The following SUN1 variants were observed in gnomAD, a reference collection of about 807,000 sequenced individuals.
The protein encoded by SUN1 is Sad1 and UNC84 domain containing 1, also known as SUN domain-containing protein 1.
In SUN1, 61 loss-of-function variants were observed where a neutral mutation model predicts 103.2. That is an observed-to-expected ratio of 0.59 (90% CI 0.48 to 0.73). The LOEUF is 0.73. SUN1 is among the 30% of genes least tolerant of loss of function. The pLI, the probability that SUN1 is intolerant of heterozygous loss-of-function variation, is 0.00. For synonymous variants in SUN1, 490 were observed against 425.7 expected (o/e 1.15, Z -1.86); for missense variants, 1,052 against 1,034.6 (o/e 1.02, Z -0.23).
rs1343011555 is a variant in SUN1, at chr7:869,749, G to A, written c.2148+233G>A. ...GTACTACACTGACCAAGGTAGACAC[G>A]CCTAAGAATTTTGCTCCTCACCGCC... is the stretch of plus-strand genomic sequence containing the variant. On this transcript the variant is annotated intron_variant, in intron 17 of 18. Coordinates refer to ENST00000401592, the MANE Select transcript of SUN1 (RefSeq NM_001130965.3). Among the ~76,000 whole-genome samples the A allele has an allele frequency of 6.6e-5, 10 of 152,108 alleles. 1 individual carries two copies. The highest frequency in any genetic ancestry group is 1.0e-4 in the Non-Finnish European group (7 of 68,038).
At position 851,969 on chromosome 7, in the gene SUN1, G is replaced by A. The variant is rs762113909; in HGVS notation, c.777G>A (p.Val259=). 6.2e-6 allele frequency: 10 copies of A among 1,614,098 alleles called. No individual in the cohort carries two copies. In the South Asian group the frequency reaches 6.6e-5, roughly 11 times the overall value. ...TTGTAGGGAAGGCAGCCTCTGGAGTGTTCTGGTGGCTGGGGATTGGATGGT... is the reference window on the plus strand; with the variant it reads ...TTGTAGGGAAGGCAGCCTCTGGAGTATTCTGGTGGCTGGGGATTGGATGGT... The part of the protein sequence containing the change: ...VVAPGKAASG[V]FWWLGIGWYQ... Residue 259 remains valine (V), a synonymous_variant, in exon 7 of 19, where the codon GTG becomes GTA. Coordinates refer to ENST00000401592, the MANE Select transcript of SUN1 (RefSeq NM_001130965.3).
At chr7:852,476 T>A in intron 7 of SUN1, 133 bp from the exon 8 acceptor site, 1 of 1,030,990 alleles carries the variant, frequency 9.7e-7, no homozygotes, top group Non-Finnish European at 1.5e-6. Flanking sequence ...AGAAGCCTTG[T>A]AGATAAAACC....
At chr7:828,389 A>C (rs1584075582), upstream of SUN1, among the ~76,000 whole-genome samples, 3 of 151,716 alleles carry the variant, frequency 2.0e-5, no homozygotes, top group East Asian at 5.8e-4. Flanking sequence ...CTCCTGCCTC[A>C]GCCTCCTGAG....
upstream of SUN1, among the ~76,000 whole-genome samples, chr7:827,477 T>TTTTTG (rs1793423988): frequency 6.9e-6 from 1 of 144,658 alleles, no homozygotes; most frequent in Non-Finnish European, 1.5e-5. Context: ...TTTTTTTTTT[T>TTTTTG]TTTTTTTTTT....
intron 1 of SUN1, among the ~76,000 whole-genome samples, chr7:835,795 G>T (rs1431638280): frequency 6.6e-6 from 1 of 152,208 alleles, no homozygotes; most frequent in African/African-American, 2.4e-5. Context: ...TTGAACTTCA[G>T]GGTCAGAGGA....
chr7:832,075 C>G, upstream of SUN1: 1 of 992,716 alleles, frequency 1.0e-6, no homozygotes, highest in Non-Finnish European at 1.2e-6. Context: ...GGAACGCATA[C>G]GCTGCTGCTT....
intron 15 of SUN1, among the ~76,000 whole-genome samples, chr7:864,105 T>G (rs1371571215): frequency 6.6e-6 from 1 of 152,236 alleles, no homozygotes; most frequent in East Asian, 1.9e-4. Flanking sequence ...TTTTTAATTT[T>G]TGTGGGTACA....
intron 15 of SUN1, among the ~76,000 whole-genome samples, chr7:862,509 C>T (rs532388882): frequency 3.3e-5 from 5 of 152,208 alleles, no homozygotes; most frequent in East Asian, 3.9e-4. Context: ...CTGGTGTGAT[C>T]GGTGTGTGTT....
intron 5 of SUN1, among the ~76,000 whole-genome samples, chr7:848,943 GT>G (rs2128352458): frequency 6.6e-6 from 1 of 152,282 alleles, no homozygotes; most frequent in East Asian, 1.9e-4. Flanking sequence ...TTTAGAACCT[GT>G]TTTTTCAGAA....
At chr7:869,110 C>T (rs1227035731) in intron 16 of SUN1, 4 of 530,122 alleles carry the variant, frequency 7.5e-6, no homozygotes, top group South Asian at 2.3e-5. Flanking sequence ...ATGTCTCACC[C>T]ATTTTTCTTT....
upstream of SUN1, chr7:816,217 G>GTGCAGACCCCTCCGCGA (rs759039865): frequency 1.2e-3 from 135 of 116,584 alleles, 1 homozygote; most frequent in African/African-American, 6.4e-3. Context: ...CCTCCCCCAG[G>GTGCAGACCCCTCCGCGA]TGCAGACCCC....
At chr7:835,263 T>C (rs1801956345) in intron 1 of SUN1, among the ~76,000 whole-genome samples, 1 of 152,032 alleles carries the variant, frequency 6.6e-6, no homozygotes, top group Non-Finnish European at 1.5e-5. Context: ...CAGCCCGCTG[T>C]CCTGCACCAG....
At chr7:841,730 T>C (rs1810176134) in intron 2 of SUN1, 12 of 537,258 alleles carry the variant, frequency 2.2e-5, no homozygotes, top group Non-Finnish European at 3.6e-5. Flanking sequence ...CTGGAAACTA[T>C]TTTGTGTTTA....
intron 7 of SUN1, 127 bp from the exon 8 acceptor site, chr7:852,482 A>C: frequency 8.8e-7 from 1 of 1,140,434 alleles, no homozygotes; most frequent in Non-Finnish European, 1.3e-6. Flanking sequence ...CTTGTAGATA[A>C]AACCGTAACT....
chr7:851,351 C>A, intron 5 of SUN1, 33 bp from the exon 6 acceptor site: 1 of 1,547,792 alleles, frequency 6.5e-7, no homozygotes, highest in South Asian at 1.2e-5. Flanking sequence ...TCCCTGGCGT[C>A]TGTCTGAGGC....
chr7:872,920 CTA>C (rs1842735311), intron 18 of SUN1, among the ~76,000 whole-genome samples: 1 of 152,046 alleles, frequency 6.6e-6, no homozygotes, highest in African/African-American at 2.4e-5. Flanking sequence ...AACCCGGTCT[CTA>C]CTAAAAATAC....
intron 1 of SUN1, chr7:816,737 G>GGCGGGGGCCCGGGGGCCGGGGGGAC (rs1780742381): frequency 6.8e-6 from 1 of 147,566 alleles, no homozygotes; most frequent in Non-Finnish European, 1.5e-5. Context: ...GGGGACGCGA[G>GGCGGGGGCCCGGGGGCCGGGGGGAC]GCGGGGGCCC....
At chr7:831,357 C>A (rs550457787), upstream of SUN1, among the ~76,000 whole-genome samples, 8 of 151,612 alleles carry the variant, frequency 5.3e-5, no homozygotes, top group Non-Finnish European at 1.0e-4. Context: ...CTGCAAGCTC[C>A]GCCTCCCGGG....
chr7:872,988 GA>G (rs1324438143), intron 18 of SUN1, among the ~76,000 whole-genome samples: 2 of 152,220 alleles, frequency 1.3e-5, no homozygotes, highest in African/African-American at 2.4e-5. Context: ...TCAGGAGGCT[GA>G]GGCAGGAGAA....
Sources: gnomAD v4.1 joint callset for allele counts (sites outside exome capture counted in the v4.1 genomes callset) on GRCh38, gnomAD v4.1.1 for gene constraint, MANE v1.5 for transcripts, NCBI Gene and HGNC (gene_info 2026-07-23, HGNC 2026-07-21) for gene names.